Variants in AK9 observed in about 807,000 individuals in gnomAD.
AK9 encodes the protein adenylate kinase 9.
Under a neutral mutation model 239.6 loss-of-function variants are expected in AK9, and 191 were observed. The ratio of observed to expected loss-of-function variants is 0.80; its 90% CI spans 0.71 to 0.90. The LOEUF is 0.90. Among genes scored for constraint, AK9 ranks in the 40% least tolerant of loss-of-function variants. The pLI, the probability that AK9 is intolerant of heterozygous loss-of-function variation, is 0.00. For synonymous variants in AK9, 689 were observed against 721.0 expected, an observed-to-expected ratio of 0.96 and a Z score of 0.71; for missense variants, 1,995 against 2,214.7, an observed-to-expected ratio of 0.90 and a Z score of 1.99.
Position 109,634,609 on chromosome 6 carries a change from T to C in AK9, c.934-1286A>G, listed in dbSNP as rs567497934. Among the ~76,000 whole-genome samples, 15 of 152,316 alleles carry C rather than the reference T, an allele frequency of 9.8e-5. 1 individual carries two copies. In the South Asian group the frequency reaches 3.1e-3, roughly 32 times the overall value. On this transcript the variant is annotated intron_variant, in intron 10 of 40. Transcript: ENST00000424296. Reference sequence around the variant, plus strand: ...CAGCATCAGAGAACAAAGAGGCATGTGCACTGCAGGGATACTGCATGAATG... The same window carrying C: ...CAGCATCAGAGAACAAAGAGGCATGCGCACTGCAGGGATACTGCATGAATG...
chr6:109,621,781 T>C (rs1161346548), intron 12 of AK9, among the ~76,000 whole-genome samples: 3 of 143,332 alleles, frequency 2.1e-5, no homozygotes, highest in African/African-American at 5.3e-5. Context: ...TTGGGAGATA[T>C]ACCTAATGCT....
chr6:109,619,303 T>A (rs1794549519), intron 12 of AK9, 67 bp from the exon 13 acceptor site: 1 of 1,435,888 alleles, frequency 7.0e-7, no homozygotes, highest in Admixed American at 2.8e-5. Flanking sequence ...ACATTGTTCA[T>A]CTATCTATGT....
At chr6:109,534,655 G>A (rs904390705) in intron 27 of AK9, among the ~76,000 whole-genome samples, 6 of 151,862 alleles carry the variant, frequency 4.0e-5, no homozygotes, top group Non-Finnish European at 8.8e-5. Context: ...ACAACGTGCA[G>A]GTTTGTTACA....
At position 109,632,969 on chromosome 6, in the gene AK9, C is replaced by T. The variant is rs761615903; in HGVS notation, c.1208G>A (p.Gly403Glu). Reference protein sequence around the residue: ...KVFILGPQYSGKTTLCNMLAE... With the variant: ...KVFILGPQYSEKTTLCNMLAE... ...AAGCATATTGCAAAGTGTTGTTTTC[C>T]CTGAATATTGAGGTCCAAGTATGAA... The change falls in exon 12 of 41, where the codon GGG (glycine) becomes GAG (glutamate). Residue 403 changes from glycine to glutamate, a missense_variant. By Grantham distance (98) the Gly-to-Glu change is moderately conservative (BLOSUM62 -2). This residue lies in a region of AK9 where 1,290 missense variants were observed against 1,392.7 expected (regional missense o/e 0.93). Coordinates refer to ENST00000424296, the MANE Select transcript of AK9 (RefSeq NM_001145128.3). 33 of 1,612,122 alleles carry T rather than the reference C, an allele frequency of 2.0e-5. 1 individual carries two copies. The South Asian group carries it at 3.4e-4, about 17-fold the overall frequency.
In AK9 at chr6:109,585,136, C is replaced by G. The variant is rs1554262086; in HGVS notation, c.2101G>C (p.Glu701Gln). The G allele has an allele frequency of 8.6e-7, 1 of 1,164,698 alleles. No homozygotes were observed. Among genetic ancestry groups the G allele is most frequent in the South Asian group, 2.0e-5 (1 of 50,792 alleles). The allele number at this position is 1,164,698 out of a possible 1,614,324, so 72.1% of individuals were successfully genotyped here. A position where few individuals can be genotyped will look rare whatever the true frequency, so the allele number is the denominator to read the frequency against. The change falls in exon 19 of 41, where the codon GAA becomes CAA. Residue 701 changes from glutamate (E) to glutamine (Q), a missense_variant. Physicochemically the swap from Glu to Gln is conservative, Grantham distance 29. Around this residue, in one of 5 missense-constraint regions of AK9, gnomAD observed 1,290 missense variants for 1,392.7 expected, o/e 0.93. Coordinates refer to ENST00000424296, the MANE Select transcript of AK9 (RefSeq NM_001145128.3). ...LEELQKKKKE[E>Q]EEARKATEEE... Reference sequence around the variant, plus strand: ...GGCAGATTTTACCTTGCTTCTTCTTCTTCTTTTTTTTTCTTTTGTAGTTCT... The same window carrying G: ...GGCAGATTTTACCTTGCTTCTTCTTGTTCTTTTTTTTTCTTTTGTAGTTCT...
At chr6:109,643,966 T>G (rs7356790) in intron 9 of AK9, among the ~76,000 whole-genome samples, 2 of 152,228 alleles carry the variant, frequency 1.3e-5, no homozygotes, top group African/African-American at 4.8e-5. Context: ...TTTGTCTTTA[T>G]GCTATGAACT....
intron 10 of AK9, among the ~76,000 whole-genome samples, chr6:109,639,246 G>C (rs1797098693): frequency 6.6e-6 from 1 of 151,884 alleles, no homozygotes. Flanking sequence ...CACAATGGTT[G>C]AACTAATCTA....
At chr6:109,668,276 C>A (rs1340090104) in intron 5 of AK9, among the ~76,000 whole-genome samples, 1 of 151,114 alleles carries the variant, frequency 6.6e-6, no homozygotes, top group Non-Finnish European at 1.5e-5. Flanking sequence ...TGTTTGAGTT[C>A]TTTGTAGATT....
At chr6:109,595,586 G>A (rs903351962) in intron 17 of AK9, among the ~76,000 whole-genome samples, 2 of 152,130 alleles carry the variant, frequency 1.3e-5, no homozygotes, top group Non-Finnish European at 2.9e-5. Flanking sequence ...CAATACCCAA[G>A]ACTTGGATCC....
chr6:109,661,741 A>G (rs1051664619), intron 6 of AK9, among the ~76,000 whole-genome samples: 1 of 152,184 alleles, frequency 6.6e-6, no homozygotes, highest in Admixed American at 6.6e-5. Context: ...GCTGAAAACC[A>G]TCTAGTTTAT....
chr6:109,644,542 A>AATTTTAAGTGTT, intron 9 of AK9, 72 bp downstream of exon 9: 1 of 1,282,108 alleles, frequency 7.8e-7, no homozygotes, highest in African/African-American at 1.5e-5. Flanking sequence ...TGTTTATTAA[A>AATTTTAAGTGTT]AGAAGTACAA....
chr6:109,509,321 G>A lies in AK9; in HGVS notation c.4339C>T (p.Arg1447Cys), dbSNP rs1226809494. 2.6e-5 allele frequency: 41 copies of A among 1,551,450 alleles called. No homozygotes were observed. Among genetic ancestry groups the A allele is most frequent in the Admixed American group, 1.4e-4 (7 of 50,982 alleles). ...LKHLSIGGAL[R>C]YVLNNHPETE... The stretch of plus-strand genomic sequence containing the variant: ...TCCGGGTGATTGTTTAGTACATAAC[G>A]CAAAGCTCCTCCTATTGATAAATGC... Residue 1447 changes from arginine to cysteine, a missense_variant, in exon 33 of 41, where the codon CGT (arginine) becomes TGT (cysteine). By Grantham distance (180) the Arg-to-Cys change is radical. This residue lies in a region of AK9 where 1,290 missense variants were observed against 1,392.7 expected (regional missense o/e 0.93). Coordinates refer to ENST00000424296, the MANE Select transcript of AK9 (RefSeq NM_001145128.3).
intron 35 of AK9, among the ~76,000 whole-genome samples, chr6:109,500,056 C>T (rs7739221): frequency 2.0e-5 from 3 of 151,586 alleles, no homozygotes; most frequent in African/African-American, 4.9e-5. Context: ...CACACACACA[C>T]ACACACACAC....
intron 15 of AK9, among the ~76,000 whole-genome samples, chr6:109,612,776 C>G (rs1793726574): frequency 6.6e-6 from 1 of 151,454 alleles, no homozygotes; most frequent in African/African-American, 2.4e-5. Flanking sequence ...GTAGGAGAAA[C>G]TAAACAAAAA....
chr6:109,538,158 C>T (rs1349263091), intron 27 of AK9, among the ~76,000 whole-genome samples: 1 of 151,246 alleles, frequency 6.6e-6, no homozygotes, highest in East Asian at 2.0e-4. Flanking sequence ...CCTGGATATC[C>T]TTGTGAACTT....
chr6:109,604,278 C>T (rs1326415343), intron 17 of AK9, among the ~76,000 whole-genome samples: 3 of 152,200 alleles, frequency 2.0e-5, no homozygotes, highest in East Asian at 1.9e-4. Context: ...TTTTCCCTTA[C>T]AAGTTCTTCC....
intron 12 of AK9, among the ~76,000 whole-genome samples, chr6:109,619,765 C>G (rs1195717522): frequency 1.3e-5 from 2 of 152,152 alleles, no homozygotes; most frequent in South Asian, 2.1e-4. Context: ...TTTTACATCA[C>G]TCCCTAAATT....
chr6:109,657,846 G>A (rs1799917545), intron 7 of AK9, among the ~76,000 whole-genome samples: 1 of 152,100 alleles, frequency 6.6e-6, no homozygotes, highest in South Asian at 2.1e-4. Flanking sequence ...GGAACAGCGT[G>A]TGTAAAAGTT....
At chr6:109,513,871 C>A (rs1194233086) in intron 32 of AK9, among the ~76,000 whole-genome samples, 2 of 152,262 alleles carry the variant, frequency 1.3e-5, no homozygotes, top group African/African-American at 4.8e-5. Context: ...TTAAGCAGAA[C>A]CTAAATGCCA....
Sources: allele counts gnomAD v4.1 joint callset (sites outside exome capture counted in the v4.1 genomes callset), GRCh38; gene constraint gnomAD v4.1.1; regional missense constraint gnomAD v4.1.1; transcripts MANE v1.5; gene names NCBI Gene and HGNC (gene_info 2026-07-23, HGNC 2026-07-21).